BABAM2: variants seen among roughly 807,000 people sequenced by gnomAD.
BABAM2 encodes the protein BRISC and BRCA1-A complex member 2.
In BABAM2, 31 loss-of-function variants were observed where a neutral mutation model predicts 54.7. The ratio of observed to expected loss-of-function variants is 0.57; its 90% confidence interval spans 0.43 to 0.77. BABAM2 has a LOEUF of 0.77. Ranked by LOEUF, BABAM2 falls within the 30% of genes least tolerant of loss-of-function variation. The probability of loss-of-function intolerance (pLI) is 0.00; values close to 1 mark genes in which losing one functional copy is unlikely to be tolerated. For synonymous variants in BABAM2, 167 were observed against 162.9 expected, an observed-to-expected ratio of 1.03 and a Z score of -0.19; for missense variants, 364 against 455.8, an observed-to-expected ratio of 0.80 and a Z score of 1.83.
intron 2 of BABAM2, among the ~76,000 whole-genome samples, chr2:27,922,263 G>A (rs1361719473): frequency 6.6e-6 from 1 of 152,116 alleles, no homozygotes; most frequent in Non-Finnish European, 1.5e-5. Flanking sequence ...GCTATACTAG[G>A]ACTTACTTAA....
rs1411561493 is a variant in BABAM2, at chr2:28,177,104, C to T, written c.680+47724C>T. Reference sequence around the variant, plus strand: ...TCCAAAAAGGTTCTTCCCTGCGGCACGTGATAGTCAAACTATCAAAAGCCA... The same window carrying T: ...TCCAAAAAGGTTCTTCCCTGCGGCATGTGATAGTCAAACTATCAAAAGCCA... On this transcript the variant is annotated intron_variant, in intron 7 of 11. Coordinates refer to ENST00000379624, the MANE Select transcript of BABAM2 (RefSeq NM_199191.3). Among the ~76,000 whole-genome samples, 4 of 152,024 alleles carry T rather than the reference C, an allele frequency of 2.6e-5. No individual in the cohort carries two copies. In the South Asian group the frequency reaches 6.2e-4, roughly 24 times the overall value.
intron 5 of BABAM2, among the ~76,000 whole-genome samples, chr2:28,033,048 G>T (rs1676413256): frequency 6.6e-6 from 1 of 152,012 alleles, no homozygotes; most frequent in Non-Finnish European, 1.5e-5. Context: ...TTACCACAAA[G>T]ATCTCTACTG....
At chr2:28,268,604 AT>A (rs1448861704) in intron 10 of BABAM2, among the ~76,000 whole-genome samples, 1 of 152,262 alleles carries the variant, frequency 6.6e-6, no homozygotes, top group Non-Finnish European at 1.5e-5. Context: ...AGTTCTAAGA[AT>A]GTGACAAGGA....
chr2:28,024,507 A>G (rs1675511388), intron 4 of BABAM2, among the ~76,000 whole-genome samples: 1 of 152,204 alleles, frequency 6.6e-6, no homozygotes, highest in Non-Finnish European at 1.5e-5. Context: ...CGACACAATG[A>G]GAGTACACAT....
intron 6 of BABAM2, among the ~76,000 whole-genome samples, chr2:28,061,602 A>AG (rs1226394803): frequency 2.0e-5 from 3 of 150,672 alleles, no homozygotes; most frequent in African/African-American, 7.3e-5. Context: ...AAAAAAAAAA[A>AG]AGAGAAAAGA....
chr2:27,976,131 C>A (rs1048154651), intron 3 of BABAM2, among the ~76,000 whole-genome samples: 16 of 152,054 alleles, frequency 1.1e-4, no homozygotes, highest in Non-Finnish European at 1.9e-4. Context: ...AATAGTCACT[C>A]AGGAAAAAAG....
At chr2:28,104,204 A>G (rs1397205617) in intron 6 of BABAM2, among the ~76,000 whole-genome samples, 1 of 152,242 alleles carries the variant, frequency 6.6e-6, no homozygotes, top group Non-Finnish European at 1.5e-5. Flanking sequence ...GATCTAATTA[A>G]ACTGAAGAGC....
At chr2:27,939,872 C>T (rs1668749284) in intron 3 of BABAM2, among the ~76,000 whole-genome samples, 1 of 152,104 alleles carries the variant, frequency 6.6e-6, no homozygotes, top group South Asian at 2.1e-4. Context: ...TTGATTCTTA[C>T]AGAATTATCC....
intron 4 of BABAM2, among the ~76,000 whole-genome samples, chr2:27,988,710 C>T (rs1672571807): frequency 2.0e-5 from 3 of 152,072 alleles, no homozygotes; most frequent in Admixed American, 2.0e-4. Flanking sequence ...AGCATACGTA[C>T]TTACTAAAAA....
intron 11 of BABAM2, among the ~76,000 whole-genome samples, chr2:28,324,847 G>A (rs1028322523): frequency 4.6e-5 from 7 of 152,112 alleles, no homozygotes; most frequent in Middle Eastern, 3.2e-3. Context: ...ATCTCTGATC[G>A]TAGATTTATT....
chr2:28,275,191 G>A (rs954605910), intron 10 of BABAM2, among the ~76,000 whole-genome samples: 2 of 152,204 alleles, frequency 1.3e-5, no homozygotes, highest in African/African-American at 4.8e-5. Context: ...GGTTGTTCAC[G>A]TGGCCATTTG....
At chr2:28,280,303 C>T (rs1686243178) in intron 10 of BABAM2, among the ~76,000 whole-genome samples, 1 of 151,130 alleles carries the variant, frequency 6.6e-6, no homozygotes, top group East Asian at 2.0e-4. Flanking sequence ...CTCAAGCAAT[C>T]CTGCTTTAGC....
In BABAM2 at chr2:28,026,938, AAATATATATT is replaced by A. The variant is rs1432462858; in HGVS notation, c.495+1528_495+1537del. Reference sequence around the variant, plus strand: ...TATTAATATATATAAATATATATATAAATATATATTAATATATATAAATATATATATAAAT... The same window carrying A: ...TATTAATATATATAAATATATATATAAATATATATAAATATATATATAAAT... On this transcript the variant is annotated intron_variant, in intron 5 of 11. Coordinates refer to ENST00000379624, the MANE Select transcript of BABAM2 (RefSeq NM_199191.3). Among the ~76,000 whole-genome samples the A allele has an allele frequency of 1.6e-3, 18 of 11,036 alleles. 1 individual carries two copies. The highest frequency in any genetic ancestry group is 5.6e-3 in the Admixed American group (3 of 538). The allele number at this position is 11,036 out of a possible 152,430, so 7.2% of individuals were successfully genotyped here.
intron 7 of BABAM2, among the ~76,000 whole-genome samples, chr2:28,182,550 C>T (rs1289050272): frequency 6.6e-6 from 1 of 152,124 alleles, no homozygotes; most frequent in Non-Finnish European, 1.5e-5. Flanking sequence ...TAGATAGTGG[C>T]AGTGGTAGGA....
At chr2:27,947,172 A>G (rs1669359274) in intron 3 of BABAM2, among the ~76,000 whole-genome samples, 2 of 152,116 alleles carry the variant, frequency 1.3e-5, no homozygotes, top group African/African-American at 2.4e-5. Context: ...GATTGCCACT[A>G]TGGCTGGATC....
chr2:27,972,116 A>G (rs1057303111), intron 3 of BABAM2, among the ~76,000 whole-genome samples: 53 of 152,322 alleles, frequency 3.5e-4, no homozygotes, highest in African/African-American at 1.3e-3. Context: ...AAGAATCAAC[A>G]ACATGTATAT....
At chr2:27,910,839 G>A (rs1666528870) in intron 2 of BABAM2, among the ~76,000 whole-genome samples, 1 of 152,070 alleles carries the variant, frequency 6.6e-6, no homozygotes, top group African/African-American at 2.4e-5. Flanking sequence ...AGGGCATTTG[G>A]GTAGTTCCTA....
At chr2:28,226,315 T>C (rs1247979879) in intron 7 of BABAM2, among the ~76,000 whole-genome samples, 14 of 152,240 alleles carry the variant, frequency 9.2e-5, no homozygotes, top group Admixed American at 9.2e-4. Flanking sequence ...TTTTCCATAA[T>C]GACTATTTCC....
chr2:27,981,491 A>G (rs1035190786), intron 3 of BABAM2, among the ~76,000 whole-genome samples: 1 of 152,194 alleles, frequency 6.6e-6, no homozygotes, highest in South Asian at 2.1e-4. Context: ...AGCTTGTACC[A>G]GTTAGCAGTC....
Sources: gnomAD v4.1 joint callset for allele counts (sites outside exome capture counted in the v4.1 genomes callset) on GRCh38, gnomAD v4.1.1 for gene constraint, MANE v1.5 for transcripts, NCBI Gene and HGNC (gene_info 2026-07-23, HGNC 2026-07-21) for gene names.